PCDHGC5: variants seen among roughly 807,000 people sequenced by gnomAD.
PCDHGC5 encodes protocadherin gamma subfamily C, 5.
Under a neutral mutation model 59.0 loss-of-function variants are expected in PCDHGC5, and 25 were observed. That is an observed-to-expected ratio of 0.42 (90% confidence interval 0.31 to 0.59). PCDHGC5 has a LOEUF of 0.59. Ranked by LOEUF, PCDHGC5 falls within the 20% of genes least tolerant of loss-of-function variation. PCDHGC5 has a pLI of 0.13. For missense variants in PCDHGC5, 1,067 were observed against 1,206.4 expected, an observed-to-expected ratio of 0.88 and a Z score of 1.71; for synonymous variants, 434 against 505.5, an observed-to-expected ratio of 0.86 and a Z score of 1.90.
At chr5:141,510,873 T>A in intron 3 of PCDHGC5, 74 bp from the exon 4 acceptor site, 1 of 1,609,964 alleles carries the variant, frequency 6.2e-7, no homozygotes, top group Non-Finnish European at 8.5e-7. Flanking sequence ...ATTCATTAAC[T>A]GCTGGGGATA....
chr5:141,490,205 C>A lies in PCDHGC5; in HGVS notation c.965C>A (p.Ala322Asp). 1 of 1,614,168 alleles carries A rather than the reference C, an allele frequency of 6.2e-7. No individual in the cohort carries two copies. The highest frequency in any genetic ancestry group is 8.5e-7 in the Non-Finnish European group (1 of 1,180,004). The part of the protein sequence containing the change: ...ESRFYEIHAR[A>D]RDQGQPAMEG... ...CGTTTCTATGAAATTCATGCAAGAG[C>A]CCGTGACCAGGGACAGCCTGCCATG... Residue 322 changes from alanine to aspartate, a missense_variant, in exon 1 of 4, where the codon GCC (alanine) becomes GAC (aspartate). Ala to Asp is a moderately radical substitution (Grantham distance 126). Transcript: ENST00000252087. This position sits in a 1 kb window ranked among gnomAD's most constrained non-coding sequence, Gnocchi z 5.4.
intron 2 of PCDHGC5, among the ~76,000 whole-genome samples, chr5:141,498,963 GGGAGGGAGGGAAGGAAGGAA>G (rs1472475865): frequency 5.7e-4 from 74 of 129,970 alleles, no homozygotes; most frequent in Non-Finnish European, 2.6e-4. Flanking sequence ...GAGAGAGGGA[GGGAGGGAGGGAAGGAAGGAA>G]GGAAGGAAGG....
chr5:141,495,424 A>C (rs927637242), intron 2 of PCDHGC5, among the ~76,000 whole-genome samples: 1 of 152,088 alleles, frequency 6.6e-6, no homozygotes, highest in African/African-American at 2.4e-5. Context: ...CCCTCCTCCC[A>C]CTGTCCTCTG....
chr5:141,511,084 C>G lies in PCDHGC5; in HGVS notation c.2746C>G (p.Leu916Val). 1 of 1,614,236 alleles carries G rather than the reference C, an allele frequency of 6.2e-7. No homozygotes were observed. Among genetic ancestry groups the G allele is most frequent in the Non-Finnish European group, 8.5e-7 (1 of 1,180,030 alleles). The change falls in exon 4 of 4, where the codon CTG becomes GTG. Residue 916 changes from leucine (L) to valine (V), a missense_variant. Leu to Val is a conservative substitution (Grantham distance 32). Coordinates refer to ENST00000252087, the MANE Select transcript of PCDHGC5 (RefSeq NM_018929.3). Reference sequence around the variant, plus strand: ...CTACATCCCAGGCAGCAATGCCACACTGACCAACGCAGCTGGCAAGCGGGA... The same window carrying G: ...CTACATCCCAGGCAGCAATGCCACAGTGACCAACGCAGCTGGCAAGCGGGA... ...NVYIPGSNAT[L>V]TNAAGKRDGK...
At chr5:141,502,512 T>C (rs1029375922) in intron 2 of PCDHGC5, among the ~76,000 whole-genome samples, 2 of 152,212 alleles carry the variant, frequency 1.3e-5, no homozygotes, top group East Asian at 1.9e-4. Context: ...CCTGTCCCAC[T>C]ATCAGTGATG....
chr5:141,505,267 A>G (rs2099845018), intron 2 of PCDHGC5, 126 bp from the exon 3 acceptor site: 1 of 1,514,640 alleles, frequency 6.6e-7, no homozygotes, highest in Admixed American at 2.0e-5. Flanking sequence ...TACCTTGCTG[A>G]GAGAAACAGG....
chr5:141,498,509 C>T (rs2099784058), intron 2 of PCDHGC5, among the ~76,000 whole-genome samples: 1 of 151,740 alleles, frequency 6.6e-6, no homozygotes, highest in East Asian at 1.9e-4. Flanking sequence ...TCCCTCCCCA[C>T]CATCTTGCCC....
At chr5:141,494,195 C>T in intron 1 of PCDHGC5, among the ~76,000 whole-genome samples, 1 of 152,188 alleles carries the variant, frequency 6.6e-6, no homozygotes, top group Non-Finnish European at 1.5e-5. Flanking sequence ...GACTTGGATG[C>T]CCCGCAAAGG....
At chr5:141,495,605 T>G (rs1201224193) in intron 2 of PCDHGC5, among the ~76,000 whole-genome samples, 2 of 152,228 alleles carry the variant, frequency 1.3e-5, no homozygotes, top group African/African-American at 2.4e-5. Context: ...GCTTCCGTCT[T>G]GATTGCTGCA....
Position 141,489,680 on chromosome 5 carries a change from C to T in PCDHGC5, c.440C>T (p.Ala147Val), listed in dbSNP as rs758765306. Residue 147 changes from alanine (A) to valine (V), a missense_variant, in exon 1 of 4, where the codon GCA (alanine) becomes GTA (valine). Coordinates refer to ENST00000252087, the MANE Select transcript of PCDHGC5 (RefSeq NM_018929.3). This position sits in a 1 kb window ranked among gnomAD's most constrained non-coding sequence, Gnocchi z 4.5. ...EREMRISESAASGARFPLDSA... is the reference protein window; with the variant it reads ...EREMRISESAVSGARFPLDSA... ...GAGATGCGCATCTCAGAATCAGCAG[C>T]ATCTGGGGCACGATTCCCACTGGAC... 2 of 1,614,070 alleles carry T rather than the reference C, an allele frequency of 1.2e-6. No individual in the cohort carries two copies. The highest frequency in any genetic ancestry group is 2.2e-5 in the East Asian group (1 of 44,886).
At chr5:141,506,351 A>G (rs1029519620) in intron 3 of PCDHGC5, among the ~76,000 whole-genome samples, 2 of 150,784 alleles carry the variant, frequency 1.3e-5, no homozygotes, top group African/African-American at 4.9e-5. Context: ...TGGGAGGCTG[A>G]GGCAGGAGAA....
In PCDHGC5 at chr5:141,492,559, C is replaced by A. The variant is rs533830391; in HGVS notation, c.2460+859C>A. ...GGGCTGGGCCGGGTCGCCTGGGGGG[C>A]GGCCTGAGCGAGGCGCGGGGCCAGG... On this transcript the variant is annotated intron_variant, in intron 1 of 3. Coordinates refer to ENST00000252087, the MANE Select transcript of PCDHGC5 (RefSeq NM_018929.3). 2.6e-5 allele frequency among the ~76,000 whole-genome samples: 4 copies of A among 152,292 alleles called. No individual in the cohort carries two copies. The East Asian group carries it at 7.7e-4, about 29-fold the overall frequency.
chr5:141,501,715 C>G lies in PCDHGC5; in HGVS notation c.2520-3678C>G, dbSNP rs139761188. On this transcript the variant is annotated intron_variant, in intron 2 of 3. Coordinates refer to ENST00000252087, the MANE Select transcript of PCDHGC5 (RefSeq NM_018929.3). ...AGGGTGATTCCGAGGATAAAAAAGA[C>G]AAATATATTACCCAGTCAGCTTAGA... 1.3e-3 allele frequency among the ~76,000 whole-genome samples: 192 copies of G among 152,192 alleles called. 1 individual carries two copies. The highest frequency in any genetic ancestry group is 4.5e-3 in the African/African-American group (185 of 41,512).
intron 2 of PCDHGC5, among the ~76,000 whole-genome samples, chr5:141,496,557 C>T (rs190275684): frequency 2.0e-5 from 3 of 152,258 alleles, no homozygotes; most frequent in Admixed American, 1.3e-4. Flanking sequence ...TGGGCATGCA[C>T]AGTCCTGTCA....
At chr5:141,501,127 T>C (rs2099805755) in intron 2 of PCDHGC5, among the ~76,000 whole-genome samples, 5 of 152,024 alleles carry the variant, frequency 3.3e-5, no homozygotes, top group Non-Finnish European at 7.4e-5. Context: ...TCAGCCTCCC[T>C]AAGTGCTGGG....
At position 141,511,239 on chromosome 5, in the gene PCDHGC5, C is replaced by A; in HGVS notation, c.*66C>A. On this transcript the variant is annotated 3_prime_UTR_variant, in exon 4 of 4. Coordinates refer to ENST00000252087, the MANE Select transcript of PCDHGC5 (RefSeq NM_018929.3). ...AACCAGCCCAGCTTCTCCTTACCTG[C>A]ACCCAGGCCTCAGAGTTTCAGGGCT... 1 of 1,587,938 alleles carries A rather than the reference C, an allele frequency of 6.3e-7. No homozygotes were observed. Among genetic ancestry groups the A allele is most frequent in the Admixed American group, 1.8e-5 (1 of 55,480 alleles).
chr5:141,493,179 T>C lies in PCDHGC5; in HGVS notation c.2460+1479T>C, dbSNP rs1208502829. 6.6e-6 allele frequency among the ~76,000 whole-genome samples: 1 copy of C among 152,230 alleles called. No homozygotes were observed. Among genetic ancestry groups the C allele is most frequent in the Non-Finnish European group, 1.5e-5 (1 of 68,040 alleles). On this transcript the variant is annotated intron_variant, in intron 1 of 3. Coordinates refer to ENST00000252087, the MANE Select transcript of PCDHGC5 (RefSeq NM_018929.3). This position sits in a 1 kb window ranked among gnomAD's most constrained non-coding sequence, Gnocchi z 4.3. ...TGATAGCTGATTGAGAGAAACTTAC[T>C]ATATAACTCCTTTGAGAACCTCATC...
At chr5:141,494,999 G>T in intron 2 of PCDHGC5, 134 bp downstream of exon 2, 1 of 1,531,046 alleles carries the variant, frequency 6.5e-7, no homozygotes, top group Non-Finnish European at 8.8e-7. Context: ...GGGAGGTCTT[G>T]GTGTGCGGGG....
intron 2 of PCDHGC5, among the ~76,000 whole-genome samples, chr5:141,495,270 G>C (rs1428903664): frequency 1.3e-5 from 2 of 152,178 alleles, no homozygotes; most frequent in Non-Finnish European, 2.9e-5. Context: ...GCATTTGACC[G>C]GAGGAGGCGG....
Sources: gnomAD v4.1 joint callset for allele counts (sites outside exome capture counted in the v4.1 genomes callset) on GRCh38, gnomAD v4.1.1 for gene constraint, Gnocchi (gnomAD v3.1) non-coding constraint, MANE v1.5 for transcripts, NCBI Gene and HGNC (gene_info 2026-07-23, HGNC 2026-07-21) for gene names.